Variants in COL11A1 observed in about 807,000 individuals in gnomAD.
COL11A1 encodes the protein collagen alpha-1(XI) chain.
Under a neutral mutation model 265.2 loss-of-function variants are expected in COL11A1, and 74 were observed. The observed-to-expected ratio is 0.28, with a 90% CI of 0.23 to 0.34. The LOEUF is 0.34. Ranked by LOEUF, COL11A1 falls within the 10% of genes least tolerant of loss-of-function variation. COL11A1 has a pLI of 1.00. For synonymous variants in COL11A1, 816 were observed against 727.6 expected (o/e 1.12, Z -1.96); for missense variants, 2,165 against 2,263.6 (o/e 0.96, Z 0.88).
At chr1:103,085,050 G>T (rs930588620) in intron 1 of COL11A1, among the ~76,000 whole-genome samples, 2 of 152,104 alleles carry the variant, frequency 1.3e-5, no homozygotes, top group African/African-American at 4.8e-5. Flanking sequence ...TCATAGTAGT[G>T]CTGGGTTAAA....
At chr1:103,047,072 T>C (rs1410695203) in intron 4 of COL11A1, among the ~76,000 whole-genome samples, 1 of 152,204 alleles carries the variant, frequency 6.6e-6, no homozygotes, top group Non-Finnish European at 1.5e-5. Flanking sequence ...TGGCTTGGGA[T>C]TGACTTGGTG....
At chr1:103,024,234 A>G (rs12729803) in intron 7 of COL11A1, among the ~76,000 whole-genome samples, 12,038 of 152,094 alleles carry the variant, frequency 0.079, 529 homozygotes, top group Middle Eastern at 0.15. Flanking sequence ...TTACATGATC[A>G]TCCTGCCTCA....
At chr1:102,911,660 T>G (rs1282360590) in intron 54 of COL11A1, among the ~76,000 whole-genome samples, 1 of 152,214 alleles carries the variant, frequency 6.6e-6, no homozygotes, top group Non-Finnish European at 1.5e-5. Flanking sequence ...TATTTATTTA[T>G]ATTTTGCTAT....
At chr1:103,026,189 C>T in intron 6 of COL11A1, 27 bp downstream of exon 6, 3 of 1,484,050 alleles carry the variant, frequency 2.0e-6, no homozygotes, top group Non-Finnish European at 2.8e-6. Flanking sequence ...CAGGACACCA[C>T]ATACACAGGC....
intron 37 of COL11A1, 48 bp from the exon 38 acceptor site, chr1:102,965,588 A>G (rs1437741360): frequency 1.3e-6 from 2 of 1,491,266 alleles, no homozygotes; most frequent in Non-Finnish European, 1.9e-6. Flanking sequence ...AACACAAAGC[A>G]TAAATCAAAA....
At chr1:103,090,438 C>T (rs1673229973) in intron 1 of COL11A1, among the ~76,000 whole-genome samples, 1 of 152,116 alleles carries the variant, frequency 6.6e-6, no homozygotes, top group South Asian at 2.1e-4. Context: ...TTTCCTACTA[C>T]TAATATTCTG....
chr1:103,046,425 A>G (rs1423322622), intron 4 of COL11A1, among the ~76,000 whole-genome samples: 3 of 151,602 alleles, frequency 2.0e-5, no homozygotes, highest in Non-Finnish European at 2.9e-5. Flanking sequence ...GTCTGTTCAT[A>G]TCCTTTGCCC....
intron 31 of COL11A1, 94 bp downstream of exon 31, chr1:102,984,044 T>C: frequency 1.1e-6 from 1 of 917,468 alleles, no homozygotes; most frequent in Non-Finnish European, 1.7e-6. Context: ...GTACTCATGA[T>C]AATATAGAGA....
At position 102,901,333 on chromosome 1, in the gene COL11A1, A is replaced by C. The variant is rs1176408044; in HGVS notation, c.4087-2339T>G. ...AAAACTCTGTCTAAAAAAAAAAAAA[A>C]AAAACTGAGGCTGTGAATTTGATGT... On this transcript the variant is annotated intron_variant, in intron 54 of 66. Coordinates refer to ENST00000370096, the MANE Select transcript of COL11A1 (RefSeq NM_001854.4). 5.3e-5 allele frequency among the ~76,000 whole-genome samples: 8 copies of C among 151,988 alleles called. No individual in the cohort carries two copies. The East Asian group carries it at 1.5e-3, about 29-fold the overall frequency.
intron 49 of COL11A1, among the ~76,000 whole-genome samples, chr1:102,917,060 C>CA (rs1655423691): frequency 6.6e-6 from 1 of 151,292 alleles, no homozygotes; most frequent in South Asian, 2.1e-4. Context: ...GAAAAAAAAC[C>CA]TAAAATTCAC....
At chr1:103,077,361 G>A (rs1011426518) in intron 3 of COL11A1, among the ~76,000 whole-genome samples, 6 of 151,482 alleles carry the variant, frequency 4.0e-5, no homozygotes, top group African/African-American at 1.5e-4. Flanking sequence ...CAGGATTAAG[G>A]AAAAATAAGG....
chr1:102,982,674 G>C (rs1297293869), intron 31 of COL11A1, among the ~76,000 whole-genome samples: 1 of 152,026 alleles, frequency 6.6e-6, no homozygotes, highest in Non-Finnish European at 1.5e-5. Context: ...GGGTTCAAAA[G>C]CATTATATTT....
chr1:102,978,380 A>G (rs1276244355), intron 35 of COL11A1, among the ~76,000 whole-genome samples: 1 of 152,184 alleles, frequency 6.6e-6, no homozygotes, highest in Non-Finnish European at 1.5e-5. Context: ...TCAATATGGA[A>G]AGCAAGCTGA....
Position 103,006,105 on chromosome 1 carries a change from T to C in COL11A1, c.1754A>G (p.Asp585Gly), listed in dbSNP as rs1313376911. Residue 585 changes from aspartate (D) to glycine (G), a missense_variant, in exon 17 of 67, where the codon GAT becomes GGT. Physicochemically the swap from Asp to Gly is moderately conservative, Grantham distance 94 (BLOSUM62 -1). Transcript: ENST00000370096. ...KPGKRGRPGA[D>G]GGRGMPGEPG... Reference sequence around the variant, plus strand: ...TTCTCCTGGCATTCCTCTTCCTCCATCTGCACCTGGACGACCCTAATAATG... The same window carrying C: ...TTCTCCTGGCATTCCTCTTCCTCCACCTGCACCTGGACGACCCTAATAATG... 1.2e-6 allele frequency: 2 copies of C among 1,613,766 alleles called. No homozygotes were observed. The highest frequency in any genetic ancestry group is 2.7e-5 in the African/African-American group (2 of 74,870).
At chr1:102,879,574 A>G (rs1190026088) in intron 66 of COL11A1, 109 bp downstream of exon 66, 1 of 913,164 alleles carries the variant, frequency 1.1e-6, no homozygotes, top group Admixed American at 1.9e-5. Context: ...ACAAATGTTA[A>G]TAACAACTGA....
At position 102,877,829 on chromosome 1, in the gene COL11A1, T is replaced by C; in HGVS notation, c.*190A>G. ...TCCATCTTAGCCACACCAACTTATATCTTTATGATTTTCAAAGCTTTTGCC... is the reference window on the plus strand; with the variant it reads ...TCCATCTTAGCCACACCAACTTATACCTTTATGATTTTCAAAGCTTTTGCC... On this transcript the variant is annotated 3_prime_UTR_variant, in exon 67 of 67. Coordinates refer to ENST00000370096, the MANE Select transcript of COL11A1 (RefSeq NM_001854.4). 1.8e-6 allele frequency: 1 copy of C among 566,246 alleles called. No individual in the cohort carries two copies. Among genetic ancestry groups the C allele is most frequent in the Admixed American group, 3.0e-5 (1 of 33,320 alleles). 35.1% of individuals were successfully genotyped at this position (566,246 alleles called of 1,614,324 possible). A position where few individuals can be genotyped will look rare whatever the true frequency, so the allele number is the denominator to read the frequency against.
chr1:102,961,993 GT>G (rs779692924), intron 40 of COL11A1, 74 bp from the exon 41 acceptor site: 2 of 1,352,258 alleles, frequency 1.5e-6, no homozygotes, highest in Non-Finnish European at 2.1e-6. Context: ...TATCTGATTA[GT>G]AAAATAAGGA....
At chr1:102,937,895 A>C (rs1214185622) in intron 44 of COL11A1, among the ~76,000 whole-genome samples, 2 of 152,208 alleles carry the variant, frequency 1.3e-5, no homozygotes, top group Non-Finnish European at 2.9e-5. Context: ...TATAGTCAAT[A>C]CTAACTGCAT....
intron 4 of COL11A1, among the ~76,000 whole-genome samples, chr1:103,037,575 G>A (rs78667033): frequency 0.022 from 3,271 of 152,076 alleles, 44 homozygotes; most frequent in Middle Eastern, 0.031. Context: ...TATGTGTTTG[G>A]ACCTTAATAG....
Sources: gnomAD v4.1 joint callset for allele counts (sites outside exome capture counted in the v4.1 genomes callset) on GRCh38, gnomAD v4.1.1 for gene constraint, MANE v1.5 for transcripts, NCBI Gene and HGNC (gene_info 2026-07-23, HGNC 2026-07-21) for gene names.